The following TRIM33 variants were observed in gnomAD, a reference collection of about 807,000 sequenced individuals.
TRIM33 encodes E3 ubiquitin-protein ligase TRIM33.
TRIM33 carries 20 observed loss-of-function variants against 125.4 expected under a neutral mutation model. The observed-to-expected ratio is 0.16, with a 90% CI of 0.11 to 0.23. The LOEUF is 0.23. TRIM33 is among the 10% of genes least tolerant of loss of function. TRIM33 has a pLI of 1.00. For synonymous variants in TRIM33, 564 were observed against 513.9 expected, an observed-to-expected ratio of 1.10 and a Z score of -1.32; for missense variants, 920 against 1,411.4, an observed-to-expected ratio of 0.65 and a Z score of 5.58.
At position 114,405,403 on chromosome 1, in the gene TRIM33, C is replaced by G; in HGVS notation, c.2768+7G>C. The G allele has an allele frequency of 6.3e-7, 1 of 1,584,938 alleles. No homozygotes were observed. The highest frequency in any genetic ancestry group is 8.6e-7 in the Non-Finnish European group (1 of 1,166,098). On this transcript the variant is annotated splice_region_variant and intron_variant, in intron 15 of 19. Transcript: ENST00000358465. The stretch of plus-strand genomic sequence containing the variant: ...TCAACACCAAAAATCAATTATTTCA[C>G]TGGTACCTTGGAAAGCTAAGTAGTG...
intron 12 of TRIM33, 67 bp downstream of exon 12, chr1:114,410,113 TCTGA>T: frequency 1.3e-6 from 2 of 1,554,828 alleles, no homozygotes; most frequent in Non-Finnish European, 8.8e-7. Flanking sequence ...TCTGGAGAAT[TCTGA>T]CTAAGACAGA....
intron 4 of TRIM33, among the ~76,000 whole-genome samples, chr1:114,456,085 A>G (rs1649601101): frequency 1.3e-5 from 2 of 152,186 alleles, no homozygotes; most frequent in Non-Finnish European, 2.9e-5. Context: ...TTAAAACTAG[A>G]ATGTCTCAGC....
At chr1:114,486,184 G>A (rs1014854357) in intron 1 of TRIM33, among the ~76,000 whole-genome samples, 1 of 152,118 alleles carries the variant, frequency 6.6e-6, no homozygotes, top group Non-Finnish European at 1.5e-5. Flanking sequence ...GCTGAGGCAG[G>A]AGAATTGCTT....
intron 1 of TRIM33, among the ~76,000 whole-genome samples, chr1:114,495,488 T>C (rs1652318619): frequency 6.6e-6 from 1 of 151,744 alleles, no homozygotes; most frequent in African/African-American, 2.4e-5. Context: ...TCTGAGAGGA[T>C]TTTTATAGGC....
chr1:114,403,295 A>G (rs1009933850), intron 15 of TRIM33, among the ~76,000 whole-genome samples: 1 of 152,214 alleles, frequency 6.6e-6, no homozygotes, highest in African/African-American at 2.4e-5. Flanking sequence ...TTAAAATGCC[A>G]CAAGTAAATC....
intron 1 of TRIM33, among the ~76,000 whole-genome samples, chr1:114,498,527 T>G (rs1350655824): frequency 6.6e-6 from 1 of 152,058 alleles, no homozygotes; most frequent in African/African-American, 2.4e-5. Flanking sequence ...CATGCGCCTG[T>G]AGTTCCAGCT....
chr1:114,432,873 G>A (rs1648052413), intron 5 of TRIM33, among the ~76,000 whole-genome samples: 1 of 151,982 alleles, frequency 6.6e-6, no homozygotes, highest in South Asian at 2.1e-4. Context: ...TCTACTATGT[G>A]TCATTTTAAT....
chr1:114,505,586 G>A (rs1652950580), intron 1 of TRIM33, among the ~76,000 whole-genome samples: 1 of 152,162 alleles, frequency 6.6e-6, no homozygotes, highest in Admixed American at 6.5e-5. Flanking sequence ...TTTTGTTTTT[G>A]AGACGGATTC....
At chr1:114,487,378 CAAAGGCTG>C (rs1457659947) in intron 1 of TRIM33, among the ~76,000 whole-genome samples, 2 of 146,146 alleles carry the variant, frequency 1.4e-5, no homozygotes, top group Non-Finnish European at 3.0e-5. Flanking sequence ...CAACATCATT[CAAAGGCTG>C]AAAGAAAGTA....
chr1:114,462,117 G>A (rs1026929935), intron 4 of TRIM33, among the ~76,000 whole-genome samples: 5 of 152,094 alleles, frequency 3.3e-5, no homozygotes, highest in Non-Finnish European at 7.4e-5. Context: ...AGCCTTTTGT[G>A]AGTAGGCTCT....
chr1:114,506,332 G>A (rs1353157080), intron 1 of TRIM33, among the ~76,000 whole-genome samples: 4 of 148,094 alleles, frequency 2.7e-5, no homozygotes, highest in South Asian at 2.1e-4. Context: ...GCAGTGAGCC[G>A]AGATCGCACC....
At position 114,510,541 on chromosome 1, in the gene TRIM33, T is replaced by C. The variant is rs1653281312; in HGVS notation, c.526+10A>G. ...TGCGGCCCAGATGCCAGGCAGGGCC[T>C]CCGGCTCACCTTGCTGGATGTCGCC... On this transcript the variant is annotated intron_variant, in intron 1 of 19. Transcript: ENST00000358465. 1 of 1,468,036 alleles carries C rather than the reference T, an allele frequency of 6.8e-7. No homozygotes were observed. Among genetic ancestry groups the C allele is most frequent in the East Asian group, 2.6e-5 (1 of 37,894 alleles). 90.9% of individuals were successfully genotyped at this position (1,468,036 alleles called of 1,614,324 possible).
intron 4 of TRIM33, among the ~76,000 whole-genome samples, chr1:114,457,293 T>C (rs1228097566): frequency 6.6e-6 from 1 of 152,128 alleles, no homozygotes; most frequent in African/African-American, 2.4e-5. Context: ...CACATACTAA[T>C]GCAGACTACA....
intron 1 of TRIM33, among the ~76,000 whole-genome samples, chr1:114,495,129 G>A (rs765181344): frequency 7.0e-4 from 107 of 152,150 alleles, no homozygotes; most frequent in Non-Finnish European, 1.3e-3. Context: ...TGGCCAGGCT[G>A]GTCTTGAACT....
Position 114,501,047 on chromosome 1 carries a change from G to T in TRIM33, c.526+9504C>A, listed in dbSNP as rs149618438. On this transcript the variant is annotated intron_variant, in intron 1 of 19. Transcript: ENST00000358465. ...CTACTAAAAATACAAAAAATTAGCC[G>T]GGCGTAGTGGCGGGCGCCTGTAGTC... 2.6e-5 allele frequency among the ~76,000 whole-genome samples: 3 copies of T among 115,812 alleles called. 1 individual carries two copies. The highest frequency in any genetic ancestry group is 1.1e-4 in the African/African-American group (3 of 26,486). The allele number at this position is 115,812 out of a possible 152,430, so 76.0% of individuals were successfully genotyped here.
intron 4 of TRIM33, among the ~76,000 whole-genome samples, chr1:114,436,185 G>A (rs767142778): frequency 6.6e-5 from 10 of 151,478 alleles, no homozygotes; most frequent in Non-Finnish European, 1.2e-4. Flanking sequence ...GGTGGATAAC[G>A]AGGTCAGGAG....
In TRIM33 at chr1:114,404,139, GT is replaced by G. The variant is rs1213730765; in HGVS notation, c.2769-1257del. 2.2e-4 allele frequency among the ~76,000 whole-genome samples: 33 copies of G among 152,010 alleles called. 1 individual carries two copies. Among genetic ancestry groups the G allele is most frequent in the Admixed American group, 2.2e-3 (33 of 15,258 alleles). On this transcript the variant is annotated intron_variant, in intron 15 of 19. Transcript: ENST00000358465. ...AGGGATTGTACTAACCAATCTATTT[GT>G]TTTTCTTTTTTAGAGACGGAGTCCT...
intron 11 of TRIM33, among the ~76,000 whole-genome samples, chr1:114,415,545 T>C (rs1018825785): frequency 1.3e-5 from 2 of 151,540 alleles, no homozygotes; most frequent in Admixed American, 1.3e-4. Flanking sequence ...TCATATAAAG[T>C]TTATTCTCTG....
chr1:114,411,214 T>C (rs572183621), intron 11 of TRIM33, among the ~76,000 whole-genome samples: 2 of 151,956 alleles, frequency 1.3e-5, no homozygotes, highest in Non-Finnish European at 2.9e-5. Context: ...CTAATTTTTG[T>C]GTTTTTTTTT....
Sources: allele counts gnomAD v4.1 joint callset (sites outside exome capture counted in the v4.1 genomes callset), GRCh38; gene constraint gnomAD v4.1.1; transcripts MANE v1.5; gene names NCBI Gene and HGNC (gene_info 2026-07-23, HGNC 2026-07-21).